SAMD13: variants seen among roughly 807,000 people sequenced by gnomAD.
SAMD13 encodes the protein sterile alpha motif domain-containing protein 13.
Under a neutral mutation model 12.4 loss-of-function variants are expected in SAMD13, and 9 were observed. The ratio of observed to expected loss-of-function variants is 0.72; its 90% CI spans 0.44 to 1.26. SAMD13 has a LOEUF of 1.26. Among genes scored for constraint, SAMD13 ranks in the 50% most tolerant of loss-of-function variants. The pLI is 0.00. For synonymous variants in SAMD13, 46 were observed against 45.4 expected (o/e 1.01, Z -0.05); for missense variants, 84 against 119.6 (o/e 0.70, Z 1.39).
intron 3 of SAMD13, among the ~76,000 whole-genome samples, chr1:84,349,232 A>G (rs1679596907): frequency 6.6e-6 from 1 of 152,182 alleles, no homozygotes; most frequent in African/African-American, 2.4e-5. Context: ...TGCCTGTTCT[A>G]ATTTACAGAG....
intron 2 of SAMD13, among the ~76,000 whole-genome samples, chr1:84,316,958 C>T (rs79951098): frequency 0.033 from 4,938 of 151,850 alleles, 104 homozygotes; most frequent in Non-Finnish European, 0.048. Context: ...CTAAGTATGA[C>T]GTTATTGTAA....
At chr1:84,348,506 G>GCA (rs144599237) in intron 3 of SAMD13, among the ~76,000 whole-genome samples, 9,114 of 152,242 alleles carry the variant, frequency 0.06, 353 homozygotes, top group South Asian at 0.084. Context: ...CACCGACCAT[G>GCA]CACAGCTGGT....
intron 2 of SAMD13, among the ~76,000 whole-genome samples, chr1:84,318,548 G>A (rs1678880851): frequency 6.6e-6 from 1 of 152,040 alleles, no homozygotes; most frequent in Non-Finnish European, 1.5e-5. Flanking sequence ...AATGTTCCAT[G>A]TATGCTTGAA....
At chr1:84,313,868 G>T (rs1010546856) in intron 2 of SAMD13, among the ~76,000 whole-genome samples, 1 of 152,098 alleles carries the variant, frequency 6.6e-6, no homozygotes, top group African/African-American at 2.4e-5. Flanking sequence ...AATTAGTAAT[G>T]TGATGCTTTT....
At chr1:84,343,507 T>C (rs1679471038) in intron 3 of SAMD13, among the ~76,000 whole-genome samples, 2 of 152,160 alleles carry the variant, frequency 1.3e-5, no homozygotes, top group African/African-American at 2.4e-5. Context: ...ATAGACACCA[T>C]GGAATGCTGT....
In SAMD13 at chr1:84,302,708, G is replaced by T. The variant is rs1290116683; in HGVS notation, c.-32-495G>T. On this transcript the variant is annotated intron_variant, in intron 1 of 3. Transcript: ENST00000394834. ...AATGTGAGGTAGGGGAATACTTGCT[G>T]ACAAAAGCTTTAAGTGTCCTTCTGC... is the stretch of plus-strand genomic sequence containing the variant. The T allele has an allele frequency of 1.1e-5, 11 of 984,812 alleles. No individual in the cohort carries two copies. In the East Asian group the frequency reaches 3.4e-4, roughly 31 times the overall value. 61.0% of individuals were successfully genotyped at this position (984,812 alleles called of 1,614,324 possible). A position where few individuals can be genotyped will look rare whatever the true frequency, so the allele number is the denominator to read the frequency against.
At chr1:84,343,872 TA>T (rs975794355) in intron 3 of SAMD13, among the ~76,000 whole-genome samples, 12 of 151,920 alleles carry the variant, frequency 7.9e-5, no homozygotes, top group African/African-American at 2.4e-4. Context: ...AAATTTAAAT[TA>T]AAAAAAATTT....
In SAMD13 at chr1:84,349,814, A is replaced by G; in HGVS notation, c.*40A>G. ...GGTCTTCGACCTCAAAAAATACATA[A>G]TGACATAATTTAGTTTCATGTAATG... On this transcript the variant is annotated 3_prime_UTR_variant, in exon 4 of 4. Coordinates refer to ENST00000394834, the MANE Select transcript of SAMD13 (RefSeq NM_001134663.2). 6.3e-7 allele frequency: 1 copy of G among 1,582,420 alleles called. No homozygotes were observed. Among genetic ancestry groups the G allele is most frequent in the Middle Eastern group, 1.7e-4 (1 of 5,870 alleles).
upstream of SAMD13, among the ~76,000 whole-genome samples, chr1:84,300,252 T>A (rs1288831430): frequency 6.6e-6 from 1 of 152,208 alleles, no homozygotes; most frequent in Non-Finnish European, 1.5e-5. Flanking sequence ...GCTCAAAAAA[T>A]ACTGCTCAAA....
At chr1:84,305,833 A>G (rs1056979621) in intron 2 of SAMD13, among the ~76,000 whole-genome samples, 6 of 152,124 alleles carry the variant, frequency 3.9e-5, no homozygotes, top group Non-Finnish European at 5.9e-5. Flanking sequence ...TGGGCTCTCT[A>G]TTGTATTCCA....
intron 3 of SAMD13, among the ~76,000 whole-genome samples, chr1:84,338,452 T>TTTTTTTTTTTC (rs1365408385): frequency 6.8e-6 from 1 of 146,400 alleles, no homozygotes; most frequent in African/African-American, 2.6e-5. Flanking sequence ...TTTTTTTTTT[T>TTTTTTTTTTTC]TTTAAGATGG....
Position 84,350,022 on chromosome 1 carries a change from C to T in SAMD13, c.*248C>T, listed in dbSNP as rs1023640324. ...TTTGTCAAATAGATGATCTTTGACA[C>T]GATTAGACACTCCTCCCCACAAAGG... is the stretch of plus-strand genomic sequence containing the variant. On this transcript the variant is annotated 3_prime_UTR_variant, in exon 4 of 4. Coordinates refer to ENST00000394834, the MANE Select transcript of SAMD13 (RefSeq NM_001134663.2). 17 of 538,254 alleles carry T rather than the reference C, an allele frequency of 3.2e-5. No individual in the cohort carries two copies. The highest frequency in any genetic ancestry group is 1.2e-4 in the South Asian group (2 of 16,144). The allele number at this position is 538,254 out of a possible 1,614,324, so 33.3% of individuals were successfully genotyped here.
At chr1:84,303,638 A>AT in intron 2 of SAMD13, 1 of 172,316 alleles carries the variant, frequency 5.8e-6, no homozygotes, top group African/African-American at 2.4e-5. Context: ...ATAGAGTTCA[A>AT]ATTTTTTTTT....
intron 2 of SAMD13, among the ~76,000 whole-genome samples, chr1:84,324,466 A>G (rs923572164): frequency 4.6e-5 from 7 of 152,206 alleles, no homozygotes; most frequent in African/African-American, 1.2e-4. Flanking sequence ...TTTAACTATC[A>G]TAGTAAATGA....
chr1:84,317,626 A>T (rs1678863509), intron 2 of SAMD13, among the ~76,000 whole-genome samples: 1 of 152,022 alleles, frequency 6.6e-6, no homozygotes, highest in Admixed American at 6.6e-5. Context: ...TTTTACATCT[A>T]TGTTCAATCA....
chr1:84,346,341 T>G (rs2101822413), intron 3 of SAMD13, among the ~76,000 whole-genome samples: 1 of 152,352 alleles, frequency 6.6e-6, no homozygotes, highest in East Asian at 1.9e-4. Flanking sequence ...CATGAGTACT[T>G]GCTGGAACTT....
chr1:84,325,737 T>G lies in SAMD13; in HGVS notation c.154T>G (p.Phe52Val), dbSNP rs1456020321. ...GGGATTTGAGGAGCAAGCTAGTGCT[T>G]TTCAGGAACAGGTAACTTGGTCTAG... ...TVGFEEQASA[F>V]QEQEIDGKSL... Residue 52 changes from phenylalanine to valine, a missense_variant, in exon 3 of 4, where the codon TTT becomes GTT. Coordinates refer to ENST00000394834, the MANE Select transcript of SAMD13 (RefSeq NM_001134663.2). 6.2e-7 allele frequency: 1 copy of G among 1,606,402 alleles called. No individual in the cohort carries two copies. Among genetic ancestry groups the G allele is most frequent in the African/African-American group, 1.3e-5 (1 of 74,702 alleles).
At chr1:84,309,418 G>A (rs1419414767) in intron 2 of SAMD13, among the ~76,000 whole-genome samples, 1 of 152,124 alleles carries the variant, frequency 6.6e-6, no homozygotes, top group Non-Finnish European at 1.5e-5. Flanking sequence ...TGACCTAAAT[G>A]ACTGTGATAA....
chr1:84,320,235 T>G (rs1161822608), intron 2 of SAMD13, among the ~76,000 whole-genome samples: 4 of 152,174 alleles, frequency 2.6e-5, no homozygotes, highest in Admixed American at 2.6e-4. Context: ...TTGACTGACA[T>G]AAGCAAAGCC....
Sources: allele counts gnomAD v4.1 joint callset (sites outside exome capture counted in the v4.1 genomes callset), GRCh38; gene constraint gnomAD v4.1.1; transcripts MANE v1.5; gene names NCBI Gene and HGNC (gene_info 2026-07-23, HGNC 2026-07-21).